Variants in ITPR1 observed in about 807,000 individuals in gnomAD.
ITPR1 encodes the protein inositol 1,4,5-trisphosphate-gated calcium channel ITPR1.
ITPR1 carries 96 observed loss-of-function variants against 318.4 expected under a neutral mutation model. The ratio of observed to expected loss-of-function variants is 0.30; its 90% CI spans 0.26 to 0.36. The LOEUF (loss-of-function observed/expected upper bound fraction) is 0.36, where lower values mean the gene tolerates loss of function less well. Among genes scored for constraint, ITPR1 ranks in the 10% least tolerant of loss-of-function variants. ITPR1 has a pLI of 1.00. For missense variants in ITPR1, 2,440 were observed against 3,460.2 expected (o/e 0.71, Z 7.40); for synonymous variants, 1,312 against 1,289.9 (o/e 1.02, Z -0.37).
At chr3:4,498,657 G>A (rs1209666322) in intron 2 of ITPR1, among the ~76,000 whole-genome samples, 1 of 152,214 alleles carries the variant, frequency 6.6e-6, no homozygotes, top group Non-Finnish European at 1.5e-5. Flanking sequence ...GTAAAACCCA[G>A]ATTTCTGGAC....
At chr3:4,792,909 A>C (rs2047661794) in intron 52 of ITPR1, among the ~76,000 whole-genome samples, 1 of 152,210 alleles carries the variant, frequency 6.6e-6, no homozygotes, top group Non-Finnish European at 1.5e-5. Context: ...TTTTAAATTG[A>C]CACAAAGCGA....
chr3:4,688,060 ATTATTT>A (rs2094424241), intron 30 of ITPR1, among the ~76,000 whole-genome samples: 1 of 152,038 alleles, frequency 6.6e-6, no homozygotes, highest in Non-Finnish European at 1.5e-5. Context: ...TAAAATTTTT[ATTATTT>A]TTATCTTTTG....
At chr3:4,608,588 ATTGT>A (rs2091860085) in intron 4 of ITPR1, among the ~76,000 whole-genome samples, 1 of 152,010 alleles carries the variant, frequency 6.6e-6, no homozygotes, top group Non-Finnish European at 1.5e-5. Flanking sequence ...GACAGTTTTG[ATTGT>A]TAGAACTAGG....
intron 10 of ITPR1, among the ~76,000 whole-genome samples, chr3:4,648,152 CA>C (rs35484832): frequency 6.4e-4 from 90 of 140,964 alleles, no homozygotes; most frequent in Middle Eastern, 3.6e-3. Context: ...AACTCTGTCT[CA>C]AAAAAAAAAA....
intron 41 of ITPR1, 99 bp from the exon 42 acceptor site, chr3:4,727,027 T>A: frequency 1.0e-6 from 1 of 971,018 alleles, no homozygotes; most frequent in Middle Eastern, 2.1e-4. Context: ...AACTCTTGTC[T>A]ATATATGAAC....
chr3:4,590,929 C>T (rs1021345242), intron 4 of ITPR1, among the ~76,000 whole-genome samples: 1 of 152,088 alleles, frequency 6.6e-6, no homozygotes, highest in Non-Finnish European at 1.5e-5. Context: ...TCCTTGTGTT[C>T]ATAAGTTCTT....
At position 4,768,559 on chromosome 3, in the gene ITPR1, T is replaced by C. The variant is rs1314242757; in HGVS notation, c.5774T>C (p.Leu1925Pro). 3.1e-6 allele frequency: 5 copies of C among 1,613,966 alleles called. No homozygotes were observed. The highest frequency in any genetic ancestry group is 1.1e-5 in the South Asian group (1 of 91,082). ...QITEEVRDQL[L>P]EASAATRKAF... ...ACAGAAGAGGTCCGGGATCAGCTCC[T>C]GGAGGCCTCCGCTGCCACCAGGAAA... Residue 1925 changes from leucine to proline, a missense_variant, in exon 46 of 62, where the codon CTG (leucine) becomes CCG (proline). Leu to Pro is a moderately conservative substitution (Grantham distance 98). Around this residue, in one of 23 missense-constraint regions of ITPR1, gnomAD observed 113 missense variants for 103.6 expected, o/e 1.09. Transcript: ENST00000649015.
At chr3:4,588,783 C>T (rs2090137790) in intron 4 of ITPR1, among the ~76,000 whole-genome samples, 1 of 152,180 alleles carries the variant, frequency 6.6e-6, no homozygotes, top group South Asian at 2.1e-4. Flanking sequence ...CTGCCTCAAA[C>T]CTGTTCCATC....
chr3:4,566,253 A>G (rs1359197319), intron 4 of ITPR1, among the ~76,000 whole-genome samples: 1 of 152,172 alleles, frequency 6.6e-6, no homozygotes, highest in Admixed American at 6.5e-5. Flanking sequence ...CCTGTTGGAT[A>G]GATCTTCTAA....
chr3:4,758,838 G>A (rs190197449), intron 44 of ITPR1, among the ~76,000 whole-genome samples: 1 of 152,170 alleles, frequency 6.6e-6, no homozygotes, highest in Non-Finnish European at 1.5e-5. Flanking sequence ...TGTGCCCTGG[G>A]TTCGTTAGCT....
chr3:4,657,320 A>G lies in ITPR1; in HGVS notation c.997-804A>G, dbSNP rs2093732358. Among the ~76,000 whole-genome samples the G allele has an allele frequency of 5.3e-5, 8 of 151,768 alleles. 1 individual carries two copies. In the South Asian group the frequency reaches 1.7e-3, roughly 32 times the overall value. ...TAGATGAATCCAGCTGCCCACAACCAAATCTGCAGGATGAGTTTCCTCAAC... is the reference window on the plus strand; with the variant it reads ...TAGATGAATCCAGCTGCCCACAACCGAATCTGCAGGATGAGTTTCCTCAAC... On this transcript the variant is annotated intron_variant, in intron 12 of 61. Coordinates refer to ENST00000649015, the MANE Select transcript of ITPR1 (RefSeq NM_001378452.1).
intron 36 of ITPR1, among the ~76,000 whole-genome samples, chr3:4,705,190 A>G (rs975620203): frequency 2.0e-5 from 3 of 152,222 alleles, no homozygotes; most frequent in African/African-American, 4.8e-5. Flanking sequence ...ACATTTTCCC[A>G]TATGGAAAAG....
At chr3:4,593,217 T>C (rs987146041) in intron 4 of ITPR1, among the ~76,000 whole-genome samples, 4 of 152,222 alleles carry the variant, frequency 2.6e-5, no homozygotes, top group Admixed American at 2.6e-4. Context: ...TAACAATACC[T>C]GTTGTTGGTA....
chr3:4,562,662 T>C (rs2086800045), intron 4 of ITPR1, among the ~76,000 whole-genome samples: 1 of 152,016 alleles, frequency 6.6e-6, no homozygotes, highest in Admixed American at 6.5e-5. Context: ...TGGTTCTCCC[T>C]TGAATAAACT....
intron 4 of ITPR1, among the ~76,000 whole-genome samples, chr3:4,536,082 AAG>A (rs1026813408): frequency 1.3e-5 from 2 of 152,286 alleles, no homozygotes; most frequent in East Asian, 3.9e-4. Context: ...TTTCAGGACA[AAG>A]AGGTTTCTGG....
chr3:4,649,546 A>T (rs1043827166), intron 10 of ITPR1, among the ~76,000 whole-genome samples: 6 of 152,188 alleles, frequency 3.9e-5, no homozygotes, highest in Non-Finnish European at 7.3e-5. Context: ...CTTGGTAGCT[A>T]ATCTACTTCC....
chr3:4,609,091 C>G (rs36086105), intron 4 of ITPR1, among the ~76,000 whole-genome samples: 476 of 41,278 alleles, frequency 0.012, 20 homozygotes, highest in African/African-American at 0.03. Flanking sequence ...TATATATATA[C>G]ACACACACGT....
intron 4 of ITPR1, among the ~76,000 whole-genome samples, chr3:4,603,805 C>A (rs562559745): frequency 1.3e-5 from 2 of 152,136 alleles, no homozygotes; most frequent in African/African-American, 2.4e-5. Flanking sequence ...GATGAACGTA[C>A]GAGTGCGTGT....
intron 17 of ITPR1, among the ~76,000 whole-genome samples, chr3:4,665,841 A>C (rs181430785): frequency 6.6e-6 from 1 of 152,314 alleles, no homozygotes; most frequent in East Asian, 1.9e-4. Flanking sequence ...TAGGAGCTCC[A>C]AACAACCTTC....
Sources: allele counts gnomAD v4.1 joint callset (sites outside exome capture counted in the v4.1 genomes callset), GRCh38; gene constraint gnomAD v4.1.1; regional missense constraint gnomAD v4.1.1; transcripts MANE v1.5; gene names NCBI Gene and HGNC (gene_info 2026-07-23, HGNC 2026-07-21).